FOCAD: variants seen among roughly 807,000 people sequenced by gnomAD.
The protein encoded by FOCAD is focadhesin.
In FOCAD, 198 loss-of-function variants were observed where a neutral mutation model predicts 225.6. The observed-to-expected ratio is 0.88, with a 90% CI of 0.78 to 0.99. FOCAD has a LOEUF of 0.99. Ranked by LOEUF, FOCAD falls within the 50% of genes least tolerant of loss-of-function variation. FOCAD has a pLI of 0.00. For synonymous variants in FOCAD, 897 were observed against 755.0 expected (o/e 1.19, Z -3.08); for missense variants, 2,713 against 2,123.6 (o/e 1.28, Z -5.46).
At position 20,814,647 on chromosome 9, in the gene FOCAD, C is replaced by T. The variant is rs891028374; in HGVS notation, c.1456-5149C>T. ...TACTGAGATTACAGGCATGAGCTAC[C>T]GTACCCAGCCACTCATTTTCTTTTG... On this transcript the variant is annotated intron_variant, in intron 11 of 43. Coordinates refer to ENST00000338382, the MANE Select transcript of FOCAD (RefSeq NM_001375567.1). Among the ~76,000 whole-genome samples, 4 of 152,054 alleles carry T rather than the reference C, an allele frequency of 2.6e-5. No homozygotes were observed. The East Asian group carries it at 5.8e-4, about 22-fold the overall frequency.
At chr9:20,706,059 C>T (rs1824363289) in intron 1 of FOCAD, among the ~76,000 whole-genome samples, 1 of 151,242 alleles carries the variant, frequency 6.6e-6, no homozygotes, top group Non-Finnish European at 1.5e-5. Flanking sequence ...CTCAGCCTCC[C>T]AAGTAGCTGT....
intron 4 of FOCAD, among the ~76,000 whole-genome samples, chr9:20,730,426 G>A (rs1826592631): frequency 6.6e-6 from 1 of 151,958 alleles, no homozygotes; most frequent in East Asian, 1.9e-4. Context: ...ATTTTTTAAA[G>A]CATCCTTTCA....
At chr9:20,817,378 AC>A (rs1823836162) in intron 11 of FOCAD, among the ~76,000 whole-genome samples, 1 of 151,404 alleles carries the variant, frequency 6.6e-6, no homozygotes, top group African/African-American at 2.4e-5. Context: ...CTTCCTGACC[AC>A]CCCCTGCTTC....
chr9:20,993,997 G>T (rs1841876073), intron 43 of FOCAD, among the ~76,000 whole-genome samples: 1 of 152,088 alleles, frequency 6.6e-6, no homozygotes, highest in Admixed American at 6.6e-5. Context: ...GTTTTTTCCT[G>T]CTTCTGTGTG....
intron 21 of FOCAD, among the ~76,000 whole-genome samples, chr9:20,904,519 C>A (rs981711674): frequency 6.6e-6 from 1 of 151,944 alleles, no homozygotes; most frequent in African/African-American, 2.4e-5. Context: ...ATTCTTCCCT[C>A]CCATGTATAT....
chr9:20,856,724 G>C (rs888062759), intron 15 of FOCAD, among the ~76,000 whole-genome samples: 1 of 151,982 alleles, frequency 6.6e-6, no homozygotes, highest in Non-Finnish European at 1.5e-5. Flanking sequence ...ATCCTTTCAG[G>C]TGTTAGATTT....
intron 11 of FOCAD, among the ~76,000 whole-genome samples, chr9:20,802,466 A>T (rs147122054): frequency 6.6e-6 from 1 of 152,122 alleles, no homozygotes; most frequent in South Asian, 2.1e-4. Flanking sequence ...TAGATTTAGA[A>T]TTCATGAAAG....
intron 19 of FOCAD, among the ~76,000 whole-genome samples, chr9:20,880,032 T>C (rs1025564595): frequency 6.6e-6 from 1 of 152,182 alleles, no homozygotes; most frequent in African/African-American, 2.4e-5. Context: ...AGTCTATAAT[T>C]ATACCCACTT....
At chr9:20,706,939 C>T (rs1824436748) in intron 1 of FOCAD, among the ~76,000 whole-genome samples, 1 of 152,176 alleles carries the variant, frequency 6.6e-6, no homozygotes, top group Non-Finnish European at 1.5e-5. Context: ...GCCCAGAATT[C>T]ACTCTGGTTC....
chr9:20,794,185 A>G (rs941060107), intron 11 of FOCAD, among the ~76,000 whole-genome samples: 1 of 152,346 alleles, frequency 6.6e-6, no homozygotes, highest in Middle Eastern at 3.4e-3. Flanking sequence ...TAACCAGAGC[A>G]TCTGTCTCTA....
intron 6 of FOCAD, among the ~76,000 whole-genome samples, chr9:20,764,532 G>A (rs1376257016): frequency 6.6e-6 from 1 of 152,190 alleles, no homozygotes; most frequent in East Asian, 1.9e-4. Flanking sequence ...GATTTTTATA[G>A]GCGTGAGCCT....
At chr9:20,888,094 C>CATGT (rs1831262111) in intron 21 of FOCAD, among the ~76,000 whole-genome samples, 1 of 121,622 alleles carries the variant, frequency 8.2e-6, no homozygotes, top group African/African-American at 3.1e-5. Context: ...TTTTTTTTTA[C>CATGT]TTAGTGTGTT....
chr9:20,994,010 TTG>T (rs1217183356), intron 43 of FOCAD, among the ~76,000 whole-genome samples: 1 of 152,250 alleles, frequency 6.6e-6, no homozygotes, highest in Admixed American at 6.5e-5. Flanking sequence ...TCTGTGTGTG[TTG>T]TCTTACATAT....
chr9:20,845,503 C>T (rs1036222241), intron 15 of FOCAD, among the ~76,000 whole-genome samples: 2 of 141,572 alleles, frequency 1.4e-5, no homozygotes, highest in Admixed American at 7.5e-5. Context: ...CATGTATTGT[C>T]CATTTACTAG....
Position 20,830,180 on chromosome 9 carries a change from C to G in FOCAD, c.1920+7065C>G, listed in dbSNP as rs373488691. Among the ~76,000 whole-genome samples the G allele has an allele frequency of 2.9e-4, 44 of 152,054 alleles. 3 individuals carry two copies. In the South Asian group the frequency reaches 8.9e-3, roughly 31 times the overall value. The stretch of plus-strand genomic sequence containing the variant: ...TGTCATGTTGTGTTATTGGAGAAAA[C>G]TTTTTTTGAGAATGATACTTGGACT... On this transcript the variant is annotated intron_variant, in intron 15 of 43. Coordinates refer to ENST00000338382, the MANE Select transcript of FOCAD (RefSeq NM_001375567.1).
intron 2 of FOCAD, among the ~76,000 whole-genome samples, chr9:20,671,934 T>G (rs1364766078): frequency 6.6e-6 from 1 of 152,112 alleles, no homozygotes; most frequent in African/African-American, 2.4e-5. Context: ...AGTTTGAATT[T>G]GGCCGTAATA....
intron 6 of FOCAD, among the ~76,000 whole-genome samples, chr9:20,759,258 A>G (rs1829347743): frequency 6.6e-6 from 1 of 152,220 alleles, no homozygotes; most frequent in African/African-American, 2.4e-5. Context: ...TGCCAAGTCA[A>G]TCCTAAGCCA....
chr9:20,672,384 C>A (rs1406983426), intron 2 of FOCAD, among the ~76,000 whole-genome samples: 1 of 152,108 alleles, frequency 6.6e-6, no homozygotes. Context: ...GCCCTATGGC[C>A]TTTCTGCAAC....
chr9:20,829,028 G>T (rs1587329189), intron 15 of FOCAD, among the ~76,000 whole-genome samples: 2 of 151,940 alleles, frequency 1.3e-5, no homozygotes, highest in Non-Finnish European at 2.9e-5. Flanking sequence ...TTCTTGATCT[G>T]GTCTATCATT....
Sources: allele counts gnomAD v4.1 joint callset (sites outside exome capture counted in the v4.1 genomes callset), GRCh38; gene constraint gnomAD v4.1.1; transcripts MANE v1.5; gene names NCBI Gene and HGNC (gene_info 2026-07-23, HGNC 2026-07-21).